CSMD1: variants seen among roughly 807,000 people sequenced by gnomAD.
The protein encoded by CSMD1 is CUB and sushi domain-containing protein 1.
A neutral mutation model predicts 417.5 loss-of-function variants in CSMD1; 213 were observed. The observed-to-expected ratio is 0.51, with a 90% CI of 0.46 to 0.57. CSMD1 has a LOEUF of 0.57. CSMD1 is among the 20% of genes least tolerant of loss of function. CSMD1 has a pLI of 0.00. For synonymous variants in CSMD1, 2,862 were observed against 1,736.8 expected (o/e 1.65, Z -16.11); for missense variants, 6,923 against 4,529.7 (o/e 1.53, Z -15.17).
In CSMD1 at chr8:4,425,379, CAAA is replaced by C. The variant is rs3056571; in HGVS notation, c.303-5317_303-5315del. Among the ~76,000 whole-genome samples, 1,114 of 128,790 alleles carry C rather than the reference CAAA, an allele frequency of 8.6e-3. 8 individuals are homozygous for C. Among genetic ancestry groups the C allele is most frequent in the East Asian group, 0.022 (96 of 4,324 alleles). The allele number at this position is 128,790 out of a possible 152,430, so 84.5% of individuals were successfully genotyped here. A position where few individuals can be genotyped will look rare whatever the true frequency, so the allele number is the denominator to read the frequency against. On this transcript the variant is annotated intron_variant, in intron 2 of 69. Coordinates refer to ENST00000635120, the MANE Select transcript of CSMD1 (RefSeq NM_033225.6). ...AATGGATTCATTCTTATTTGTGTGCCAAAAAAAAAAAAAAAAAATAGAGTCCAA... is the reference window on the plus strand; with the variant it reads ...AATGGATTCATTCTTATTTGTGTGCCAAAAAAAAAAAAAAATAGAGTCCAA...
intron 3 of CSMD1, among the ~76,000 whole-genome samples, chr8:4,387,559 ATCC>A (rs1803533847): frequency 8.4e-6 from 1 of 119,412 alleles, no homozygotes; most frequent in Non-Finnish European, 1.8e-5. Flanking sequence ...AGATGCATAA[ATCC>A]AAACTGGCAA....
chr8:4,135,340 A>G (rs1647350), intron 3 of CSMD1, among the ~76,000 whole-genome samples: 6,010 of 33,924 alleles, frequency 0.18, 323 homozygotes, highest in Non-Finnish European at 0.23. Context: ...AGGGGAAAGA[A>G]GGAAGGAAGG....
intron 53 of CSMD1, among the ~76,000 whole-genome samples, chr8:2,999,288 T>G (rs545069861): frequency 3.3e-5 from 5 of 151,810 alleles, no homozygotes; most frequent in Non-Finnish European, 5.9e-5. Context: ...TCCTAGTAGC[T>G]GGGATTACAG....
chr8:3,428,087 C>G (rs1813972251), intron 12 of CSMD1, among the ~76,000 whole-genome samples: 8 of 152,126 alleles, frequency 5.3e-5, no homozygotes, highest in Admixed American at 5.2e-4. Context: ...TACAAAATAG[C>G]TATTATTCTT....
At chr8:4,697,552 G>A (rs1379753299) in intron 1 of CSMD1, among the ~76,000 whole-genome samples, 2 of 152,056 alleles carry the variant, frequency 1.3e-5, no homozygotes, top group Non-Finnish European at 2.9e-5. Flanking sequence ...GAATGTCGAC[G>A]ATAGCAAAAC....
chr8:4,900,400 G>C (rs1474613207), intron 1 of CSMD1, among the ~76,000 whole-genome samples: 2 of 152,098 alleles, frequency 1.3e-5, no homozygotes, highest in African/African-American at 4.8e-5. Context: ...GCACGCCTCT[G>C]CACCATATCT....
chr8:3,577,186 C>A (rs1302136582), intron 9 of CSMD1, among the ~76,000 whole-genome samples: 1 of 152,250 alleles, frequency 6.6e-6, no homozygotes, highest in East Asian at 1.9e-4. Flanking sequence ...GAAGCTGGCC[C>A]CTCACTTGGC....
At chr8:4,847,481 G>A (rs909254553) in intron 1 of CSMD1, among the ~76,000 whole-genome samples, 8 of 151,890 alleles carry the variant, frequency 5.3e-5, no homozygotes, top group East Asian at 1.9e-4. Context: ...CCTAATACCC[G>A]ACTACCCCAC....
intron 3 of CSMD1, among the ~76,000 whole-genome samples, chr8:4,358,778 G>A (rs777726969): frequency 6.6e-6 from 1 of 152,076 alleles, no homozygotes; most frequent in Non-Finnish European, 1.5e-5. Flanking sequence ...TTGCAATAAA[G>A]CTTTGTCAGC....
intron 1 of CSMD1, among the ~76,000 whole-genome samples, chr8:4,714,827 T>C (rs190285325): frequency 1.3e-5 from 2 of 152,318 alleles, no homozygotes; most frequent in East Asian, 3.9e-4. Flanking sequence ...ACAGTAACAT[T>C]AGATTTTTCT....
intron 1 of CSMD1, among the ~76,000 whole-genome samples, chr8:4,723,089 T>C (rs1446276303): frequency 6.6e-6 from 1 of 152,166 alleles, no homozygotes; most frequent in Non-Finnish European, 1.5e-5. Context: ...CAGCTTTCTG[T>C]CTGGATACTT....
At chr8:4,106,497 C>T (rs370523755) in intron 3 of CSMD1, among the ~76,000 whole-genome samples, 2 of 152,094 alleles carry the variant, frequency 1.3e-5, no homozygotes, top group Admixed American at 1.3e-4. Context: ...TAACCCTGTT[C>T]AATAGAAACA....
In CSMD1 at chr8:3,748,467, C is replaced by G. The variant is rs148517857; in HGVS notation, c.931+5463G>C. On this transcript the variant is annotated intron_variant, in intron 6 of 69. Coordinates refer to ENST00000635120, the MANE Select transcript of CSMD1 (RefSeq NM_033225.6). ...TCTGCAGAGCAGTGGTCCGTGGAAC[C>G]TTGAGGGGAATAGGAGCACTTGATT... Among the ~76,000 whole-genome samples, 969 of 152,242 alleles carry G rather than the reference C, an allele frequency of 6.4e-3. 8 individuals are homozygous for G. The highest frequency in any genetic ancestry group is 0.022 in the African/African-American group (913 of 41,546).
chr8:3,303,325 C>G (rs1584960610), intron 25 of CSMD1, among the ~76,000 whole-genome samples: 1 of 152,118 alleles, frequency 6.6e-6, no homozygotes, highest in Non-Finnish European at 1.5e-5. Context: ...ATTCCTAGAT[C>G]TCCAGTGCAA....
At chr8:4,925,214 G>GA (rs1806772745) in intron 1 of CSMD1, among the ~76,000 whole-genome samples, 1 of 41,540 alleles carries the variant, frequency 2.4e-5, no homozygotes, top group Non-Finnish European at 4.9e-5. Flanking sequence ...CCAGTTTTAT[G>GA]GTTTTTTTTT....
chr8:3,303,270 G>GTAT (rs1804555570), intron 25 of CSMD1, among the ~76,000 whole-genome samples: 1 of 152,068 alleles, frequency 6.6e-6, no homozygotes, highest in Non-Finnish European at 1.5e-5. Context: ...TCTCTTAAGT[G>GTAT]TATTTCCTAC....
chr8:3,906,817 T>A (rs1416623298), intron 5 of CSMD1, among the ~76,000 whole-genome samples: 1 of 152,174 alleles, frequency 6.6e-6, no homozygotes, highest in Non-Finnish European at 1.5e-5. Flanking sequence ...TATGAATACA[T>A]AGGCATATAT....
intron 12 of CSMD1, among the ~76,000 whole-genome samples, chr8:3,452,779 T>C (rs1349518844): frequency 2.0e-5 from 3 of 152,090 alleles, no homozygotes; most frequent in African/African-American, 7.2e-5. Context: ...TAAAATTCTC[T>C]TTTTTTGTTG....
chr8:3,292,421 G>A (rs1423838730), intron 25 of CSMD1, among the ~76,000 whole-genome samples: 5 of 152,154 alleles, frequency 3.3e-5, no homozygotes, highest in Non-Finnish European at 7.4e-5. Flanking sequence ...AATGTTGACA[G>A]TGGGGTGTTA....
Sources: gnomAD v4.1 joint callset for allele counts (sites outside exome capture counted in the v4.1 genomes callset) on GRCh38, gnomAD v4.1.1 for gene constraint, MANE v1.5 for transcripts, NCBI Gene and HGNC (gene_info 2026-07-23, HGNC 2026-07-21) for gene names.